GTF2A1L: variants seen among roughly 807,000 people sequenced by gnomAD.
GTF2A1L encodes TFIIA-alpha and beta-like factor.
A neutral mutation model predicts 49.7 loss-of-function variants in GTF2A1L; 48 were observed. The observed-to-expected ratio is 0.97, with a 90% CI of 0.77 to 1.23. The LOEUF (loss-of-function observed/expected upper bound fraction) is 1.23, where lower values mean the gene tolerates loss of function less well. Ranked by LOEUF, GTF2A1L falls within the 50% of genes most tolerant of loss-of-function variation. The pLI is 0.00. For missense variants in GTF2A1L, 736 were observed against 564.8 expected (o/e 1.30, Z -3.07); for synonymous variants, 246 against 193.5 (o/e 1.27, Z -2.25).
At position 48,624,109 on chromosome 2, in the gene GTF2A1L, A is replaced by G; in HGVS notation, c.247+2819A>G. Among the ~76,000 whole-genome samples the G allele has an allele frequency of 1.9e-5, 2 of 104,818 alleles. 1 individual carries two copies. The highest frequency in any genetic ancestry group is 4.8e-5 in the Non-Finnish European group (2 of 41,626). 68.8% of individuals were successfully genotyped at this position (104,818 alleles called of 152,430 possible). A position where few individuals can be genotyped will look rare whatever the true frequency, so the allele number is the denominator to read the frequency against. On this transcript the variant is annotated intron_variant, in intron 3 of 8. Transcript: ENST00000403751. ...TTCTTCGTTTTTTATTTGTGTAGTA[A>G]TTTCCTGTATCTTCAGTTCTCTACT...
At chr2:48,623,156 A>C (rs1470736196) in intron 3 of GTF2A1L, among the ~76,000 whole-genome samples, 2 of 152,180 alleles carry the variant, frequency 1.3e-5, no homozygotes, top group African/African-American at 4.8e-5. Flanking sequence ...TAGGTACCAA[A>C]CAGTAAGATT....
chr2:48,645,284 A>G (rs564614861), intron 5 of GTF2A1L, among the ~76,000 whole-genome samples, 167 bp downstream of exon 5: 10 of 152,216 alleles, frequency 6.6e-5, no homozygotes, highest in Non-Finnish European at 1.2e-4. Flanking sequence ...TATAGAGACA[A>G]TCTACCACAA....
At chr2:48,640,399 A>T (rs551948139) in intron 3 of GTF2A1L, among the ~76,000 whole-genome samples, 1 of 152,310 alleles carries the variant, frequency 6.6e-6, no homozygotes, top group East Asian at 1.9e-4. Flanking sequence ...GGGAACATGG[A>T]TGGAGCTGGA....
At chr2:48,659,689 G>T (rs1464422744) in intron 6 of GTF2A1L, among the ~76,000 whole-genome samples, 1 of 151,994 alleles carries the variant, frequency 6.6e-6, no homozygotes, top group Non-Finnish European at 1.5e-5. Context: ...TTTTGCCTCT[G>T]TGGTTCTGTT....
chr2:48,641,930 G>A (rs1677218512), intron 3 of GTF2A1L, among the ~76,000 whole-genome samples: 1 of 152,082 alleles, frequency 6.6e-6, no homozygotes, highest in South Asian at 2.1e-4. Flanking sequence ...AAACTGTTCA[G>A]GTGTGCTTGC....
In GTF2A1L at chr2:48,679,584, A is replaced by G; in HGVS notation, c.*142A>G. ...CTGTATGGAATTTAATAAAATTATA[A>G]TTCAGATGCAGATACAATTACACAA... On this transcript the variant is annotated 3_prime_UTR_variant, in exon 9 of 9. Transcript: ENST00000403751. 1 of 1,421,958 alleles carries G rather than the reference A, an allele frequency of 7.0e-7. No individual in the cohort carries two copies. The highest frequency in any genetic ancestry group is 1.5e-5 in the South Asian group (1 of 64,560). The allele number at this position is 1,421,958 out of a possible 1,614,324, so 88.1% of individuals were successfully genotyped here. A position where few individuals can be genotyped will look rare whatever the true frequency, so the allele number is the denominator to read the frequency against.
At chr2:48,631,931 G>C (rs1676601141) in intron 3 of GTF2A1L, among the ~76,000 whole-genome samples, 1 of 152,146 alleles carries the variant, frequency 6.6e-6, no homozygotes. Flanking sequence ...AGTCATTCAG[G>C]AGCAAGTTTT....
At chr2:48,647,842 A>G (rs968793744) in intron 6 of GTF2A1L, among the ~76,000 whole-genome samples, 2 of 152,124 alleles carry the variant, frequency 1.3e-5, no homozygotes, top group African/African-American at 4.8e-5. Flanking sequence ...GATTATAAAA[A>G]TTAAAAAAAT....
At chr2:48,650,598 C>G (rs1464902012) in intron 6 of GTF2A1L, among the ~76,000 whole-genome samples, 1 of 152,040 alleles carries the variant, frequency 6.6e-6, no homozygotes, top group African/African-American at 2.4e-5. Context: ...TGAGTAAATA[C>G]TTTTTGAGTC....
At chr2:48,645,263 G>T (rs1346720366) in intron 5 of GTF2A1L, 146 bp downstream of exon 5, 1 of 778,602 alleles carries the variant, frequency 1.3e-6, no homozygotes, top group Non-Finnish European at 1.9e-6. Flanking sequence ...ATAAATGGTG[G>T]TTTTGATTGT....
chr2:48,622,290 C>T (rs1347955013), intron 3 of GTF2A1L, among the ~76,000 whole-genome samples: 6 of 152,174 alleles, frequency 3.9e-5, no homozygotes, highest in Non-Finnish European at 8.8e-5. Context: ...CAAGTTTTAT[C>T]GAATACTGTG....
chr2:48,661,785 A>G (rs1678515411), intron 6 of GTF2A1L, among the ~76,000 whole-genome samples: 1 of 151,950 alleles, frequency 6.6e-6, no homozygotes, highest in Non-Finnish European at 1.5e-5. Flanking sequence ...CTTCCAACCT[A>G]TTCATATCCT....
chr2:48,656,544 T>C (rs1398958560), intron 6 of GTF2A1L, among the ~76,000 whole-genome samples: 1 of 152,006 alleles, frequency 6.6e-6, no homozygotes, highest in Admixed American at 6.6e-5. Flanking sequence ...AAAATTGGAC[T>C]GTTTGCTCTG....
chr2:48,666,948 G>C (rs756610329), intron 6 of GTF2A1L, among the ~76,000 whole-genome samples: 1 of 151,668 alleles, frequency 6.6e-6, no homozygotes, highest in South Asian at 2.1e-4. Context: ...TGTGATGGTT[G>C]GTTTTTGTTG....
intron 3 of GTF2A1L, among the ~76,000 whole-genome samples, chr2:48,635,774 T>G (rs1676853076): frequency 6.6e-6 from 1 of 152,074 alleles, no homozygotes; most frequent in Non-Finnish European, 1.5e-5. Context: ...CTAGAATGGC[T>G]GACTTTGTAT....
chr2:48,647,382 A>G (rs908625121), intron 6 of GTF2A1L, among the ~76,000 whole-genome samples: 1 of 152,084 alleles, frequency 6.6e-6, no homozygotes, highest in African/African-American at 2.4e-5. Context: ...TAAATTTTTC[A>G]TTTCAATAAA....
chr2:48,647,133 C>A, intron 6 of GTF2A1L, 91 bp downstream of exon 6: 1 of 1,162,920 alleles, frequency 8.6e-7, no homozygotes, highest in Non-Finnish European at 1.2e-6. Flanking sequence ...TAATGTTAAT[C>A]AGAATTATAT....
intron 6 of GTF2A1L, among the ~76,000 whole-genome samples, chr2:48,666,195 G>A (rs895521194): frequency 3.3e-5 from 5 of 150,758 alleles, no homozygotes; most frequent in Non-Finnish European, 1.5e-5. Flanking sequence ...TTTAAAGTGA[G>A]TTTCTTTCTT....
intron 6 of GTF2A1L, among the ~76,000 whole-genome samples, chr2:48,661,768 C>G (rs1209739283): frequency 6.6e-6 from 1 of 152,092 alleles, no homozygotes; most frequent in Non-Finnish European, 1.5e-5. Context: ...ATTTTTCCAT[C>G]TTTTCCCTTC....
Sources: allele counts gnomAD v4.1 joint callset (sites outside exome capture counted in the v4.1 genomes callset), GRCh38; gene constraint gnomAD v4.1.1; transcripts MANE v1.5; gene names NCBI Gene and HGNC (gene_info 2026-07-23, HGNC 2026-07-21).